The following ZFHX3 variants were observed in gnomAD, a reference collection of about 807,000 sequenced individuals.
The protein encoded by ZFHX3 is zinc finger homeobox protein 3.
ZFHX3 carries 42 observed loss-of-function variants against 279.1 expected under a neutral mutation model. That is an observed-to-expected ratio of 0.15 (90% CI 0.12 to 0.19). The LOEUF (loss-of-function observed/expected upper bound fraction) is 0.19, where lower values mean the gene tolerates loss of function less well. ZFHX3 is among the 10% of genes least tolerant of loss of function. The pLI is 1.00. For missense variants in ZFHX3, 4,981 were observed against 4,754.0 expected (o/e 1.05, Z -1.40); for synonymous variants, 2,293 against 1,957.8 (o/e 1.17, Z -4.52).
intron 4 of ZFHX3, among the ~76,000 whole-genome samples, chr16:72,869,165 T>G (rs958917684): frequency 1.3e-5 from 2 of 152,106 alleles, no homozygotes; most frequent in African/African-American, 4.8e-5. Context: ...AATGGAAAAT[T>G]AATCAAATGC....
chr16:73,881,473 T>TG (rs1386924092), intron 1 of ZFHX3, among the ~76,000 whole-genome samples: 4 of 61,958 alleles, frequency 6.5e-5, no homozygotes, highest in African/African-American at 2.1e-4. Context: ...TCTCTCTCTC[T>TG]CTCTCTGCCC....
intron 5 of ZFHX3, among the ~76,000 whole-genome samples, chr16:73,157,028 AATTTTTTT>A (rs1230313739): frequency 6.6e-6 from 1 of 151,596 alleles, no homozygotes; most frequent in African/African-American, 2.4e-5. Context: ...CTTATTTTTT[AATTTTTTT>A]GTAGAGACGA....
intron 3 of ZFHX3, among the ~76,000 whole-genome samples, chr16:72,927,600 C>T (rs1002169643): frequency 2.6e-5 from 4 of 152,170 alleles, no homozygotes; most frequent in African/African-American, 7.2e-5. Context: ...GCCTTCCCAG[C>T]GGCCCGCGAG....
chr16:73,178,898 A>G (rs1967726198), intron 5 of ZFHX3, among the ~76,000 whole-genome samples: 1 of 152,066 alleles, frequency 6.6e-6, no homozygotes. Flanking sequence ...TACCCACCCA[A>G]CGATACGTAA....
intron 4 of ZFHX3, among the ~76,000 whole-genome samples, chr16:73,296,274 G>T (rs745321806): frequency 6.6e-6 from 1 of 152,110 alleles, no homozygotes; most frequent in Admixed American, 6.5e-5. Context: ...TACAAGCTAA[G>T]ACCTTGTATG....
intron 8 of ZFHX3, among the ~76,000 whole-genome samples, chr16:73,065,709 C>T (rs1965742863): frequency 6.6e-6 from 1 of 151,952 alleles, no homozygotes; most frequent in Admixed American, 6.6e-5. Flanking sequence ...CCCCAGAAAA[C>T]ATCTGCGATA....
chr16:73,664,253 A>G (rs1431497275), intron 2 of ZFHX3, among the ~76,000 whole-genome samples: 1 of 152,178 alleles, frequency 6.6e-6, no homozygotes, highest in Non-Finnish European at 1.5e-5. Context: ...TCTAGAGGGA[A>G]ATCTTGAGAT....
chr16:73,011,141 C>T (rs772660688), intron 1 of ZFHX3, among the ~76,000 whole-genome samples: 23 of 152,076 alleles, frequency 1.5e-4, no homozygotes, highest in African/African-American at 3.1e-4. Flanking sequence ...ACCACCACAC[C>T]GGGCTAATTT....
At chr16:72,828,444 G>A (rs1243991599) in intron 5 of ZFHX3, among the ~76,000 whole-genome samples, 18 of 152,254 alleles carry the variant, frequency 1.2e-4, no homozygotes, top group African/African-American at 4.1e-4. Flanking sequence ...AGAAATGGCC[G>A]TTCTCCTTCT....
At chr16:73,462,825 T>C (rs1355942545) in intron 2 of ZFHX3, among the ~76,000 whole-genome samples, 1 of 152,190 alleles carries the variant, frequency 6.6e-6, no homozygotes, top group South Asian at 2.1e-4. Flanking sequence ...GCGAACACTT[T>C]GTTAAAGATT....
intron 8 of ZFHX3, among the ~76,000 whole-genome samples, chr16:73,083,777 G>A (rs766039241): frequency 1.3e-5 from 2 of 152,134 alleles, no homozygotes; most frequent in Admixed American, 6.6e-5. Context: ...CGATCTGCCC[G>A]CCTCAGCCTC....
chr16:72,875,203 T>C (rs890520652), intron 4 of ZFHX3, among the ~76,000 whole-genome samples: 5 of 152,160 alleles, frequency 3.3e-5, no homozygotes, highest in Admixed American at 6.5e-5. Flanking sequence ...CCATAGGGAA[T>C]TCCAAACTTA....
At chr16:72,986,338 T>G (rs1290051788) in intron 1 of ZFHX3, among the ~76,000 whole-genome samples, 1 of 152,148 alleles carries the variant, frequency 6.6e-6, no homozygotes. Flanking sequence ...TGCTCAGGGC[T>G]CCTTGGGCTG....
At chr16:73,019,220 C>G (rs1964208791) in intron 1 of ZFHX3, among the ~76,000 whole-genome samples, 1 of 152,206 alleles carries the variant, frequency 6.6e-6, no homozygotes, top group Non-Finnish European at 1.5e-5. Context: ...AAACTGCCAG[C>G]TGCCAGTGGA....
intron 1 of ZFHX3, among the ~76,000 whole-genome samples, chr16:73,766,959 G>A (rs1415951905): frequency 1.4e-5 from 2 of 144,462 alleles, no homozygotes; most frequent in African/African-American, 5.1e-5. Context: ...TTTCCGAGAT[G>A]GAGTCTTACT....
chr16:73,487,567 AT>A (rs1205401565), intron 2 of ZFHX3: 12 of 315,702 alleles, frequency 3.8e-5, no homozygotes, highest in Non-Finnish European at 1.9e-5. Context: ...TGCCCAGCTA[AT>A]TTTTTATTTT....
chr16:73,843,751 G>A (rs1315721281), intron 1 of ZFHX3, among the ~76,000 whole-genome samples: 1 of 152,108 alleles, frequency 6.6e-6, no homozygotes, highest in Non-Finnish European at 1.5e-5. Flanking sequence ...AACATTTTCT[G>A]TAAAGAGCCA....
intron 2 of ZFHX3, among the ~76,000 whole-genome samples, chr16:73,657,767 A>G (rs948527426): frequency 2.0e-5 from 3 of 152,142 alleles, no homozygotes; most frequent in African/African-American, 7.2e-5. Flanking sequence ...TCCATGTTGC[A>G]TGTGTCAGTA....
chr16:73,240,312 G>A (rs1464203305), intron 5 of ZFHX3, among the ~76,000 whole-genome samples: 1 of 151,790 alleles, frequency 6.6e-6, no homozygotes, highest in African/African-American at 2.4e-5. Flanking sequence ...TCCACCTCCT[G>A]GGTTCAAGTG....
Sources: gnomAD v4.1 joint callset for allele counts (sites outside exome capture counted in the v4.1 genomes callset) on GRCh38, gnomAD v4.1.1 for gene constraint, MANE v1.5 for transcripts, NCBI Gene and HGNC (gene_info 2026-07-23, HGNC 2026-07-21) for gene names.